Variants in PTPRD observed in about 807,000 individuals in gnomAD.
The protein encoded by PTPRD is protein tyrosine phosphatase receptor type D.
A neutral mutation model predicts 214.5 loss-of-function variants in PTPRD; 34 were observed. The ratio of observed to expected loss-of-function variants is 0.16; its 90% CI spans 0.12 to 0.21. The LOEUF is 0.21. Ranked by LOEUF, PTPRD falls within the 10% of genes least tolerant of loss-of-function variation. PTPRD has a pLI of 1.00. For missense variants in PTPRD, 2,545 were observed against 2,398.7 expected (o/e 1.06, Z -1.27); for synonymous variants, 1,128 against 845.7 (o/e 1.33, Z -5.79).
At chr9:8,391,381 A>G (rs2089491765) in intron 36 of PTPRD, among the ~76,000 whole-genome samples, 1 of 152,188 alleles carries the variant, frequency 6.6e-6, no homozygotes, top group African/African-American at 2.4e-5. Context: ...GGTTGGCTGT[A>G]ACATTATTCA....
At chr9:9,706,614 A>G (rs2097616428) in intron 7 of PTPRD, among the ~76,000 whole-genome samples, 1 of 151,846 alleles carries the variant, frequency 6.6e-6, no homozygotes, top group Admixed American at 6.6e-5. Flanking sequence ...TATTTTTTGT[A>G]TTTTTAGTAG....
At chr9:9,338,693 A>T (rs988562093) in intron 9 of PTPRD, among the ~76,000 whole-genome samples, 2 of 152,034 alleles carry the variant, frequency 1.3e-5, no homozygotes, top group Non-Finnish European at 2.9e-5. Flanking sequence ...CCTTTTTTCC[A>T]ATTTCTTTTC....
At chr9:9,770,750 G>A (rs866168081) in intron 5 of PTPRD, among the ~76,000 whole-genome samples, 5 of 151,974 alleles carry the variant, frequency 3.3e-5, no homozygotes, top group Non-Finnish European at 7.4e-5. Context: ...TTGAAAATCT[G>A]GAGAAAAAAA....
chr9:10,434,262 T>C lies in PTPRD; in HGVS notation c.-599-93245A>G, dbSNP rs188956103. On this transcript the variant is annotated intron_variant, in intron 2 of 45. Transcript: ENST00000381196. ...ATATAAAGGTACCAAATAAGACCTA[T>C]GCCTTATTTCATAATGAAAAGGTAC... Among the ~76,000 whole-genome samples, 41 of 151,976 alleles carry C rather than the reference T, an allele frequency of 2.7e-4. No homozygotes were observed. In the East Asian group the frequency reaches 7.8e-3, roughly 29 times the overall value.
At chr9:9,497,063 C>G (rs893442379) in intron 8 of PTPRD, among the ~76,000 whole-genome samples, 2 of 152,030 alleles carry the variant, frequency 1.3e-5, no homozygotes, top group Non-Finnish European at 2.9e-5. Flanking sequence ...TGAGACAAAG[C>G]ATGCTTATTG....
chr9:8,542,938 G>A (rs1374010501), intron 14 of PTPRD, among the ~76,000 whole-genome samples: 1 of 152,172 alleles, frequency 6.6e-6, no homozygotes, highest in African/African-American at 2.4e-5. Flanking sequence ...AGACAGTTGA[G>A]CATGCAAGGG....
intron 3 of PTPRD, among the ~76,000 whole-genome samples, chr9:10,276,074 G>A (rs1266031069): frequency 1.3e-5 from 2 of 152,168 alleles, no homozygotes; most frequent in Non-Finnish European, 2.9e-5. Context: ...GATTGCTGGA[G>A]ACACCTAATC....
rs1211548822 is a variant in PTPRD, at chr9:9,866,979, T to C, written c.-368+71528A>G. Among the ~76,000 whole-genome samples, 3 of 152,180 alleles carry C rather than the reference T, an allele frequency of 2.0e-5. No individual in the cohort carries two copies. In the East Asian group the frequency reaches 5.8e-4, roughly 29 times the overall value. Reference sequence around the variant, plus strand: ...TGTTCTTTCATATTTTGTTTGAGTATAGTCATGTTATTTCTTTTGGCTTTA... The same window carrying C: ...TGTTCTTTCATATTTTGTTTGAGTACAGTCATGTTATTTCTTTTGGCTTTA... On this transcript the variant is annotated intron_variant, in intron 5 of 45. Transcript: ENST00000381196.
At chr9:9,636,640 T>A (rs1276592137) in intron 7 of PTPRD, among the ~76,000 whole-genome samples, 7 of 152,184 alleles carry the variant, frequency 4.6e-5, no homozygotes, top group Non-Finnish European at 1.0e-4. Flanking sequence ...TGTTTGGGTA[T>A]AGTCTCTGAA....
In PTPRD at chr9:8,713,822, G is replaced by A. The variant is rs1199784369; in HGVS notation, c.64+19958C>T. The A allele has an allele frequency of 1.3e-5, 20 of 1,521,488 alleles. No individual in the cohort carries two copies. The East Asian group carries it at 4.5e-4, about 34-fold the overall frequency. The allele number at this position is 1,521,488 out of a possible 1,614,324, so 94.2% of individuals were successfully genotyped here. A position where few individuals can be genotyped will look rare whatever the true frequency, so the allele number is the denominator to read the frequency against. On this transcript the variant is annotated intron_variant, in intron 12 of 45. Transcript: ENST00000381196. ...CACAAGCCACGATTCACCACCAAGA[G>A]GCCCAACACCTTCTTCTAGGTGCAG...
At chr9:10,083,323 T>A (rs1453383464) in intron 3 of PTPRD, among the ~76,000 whole-genome samples, 1 of 152,020 alleles carries the variant, frequency 6.6e-6, no homozygotes, top group African/African-American at 2.4e-5. Context: ...CCTAGTCTTA[T>A]AAGTCTTAAG....
At chr9:10,604,575 C>T (rs984378040) in intron 2 of PTPRD, among the ~76,000 whole-genome samples, 1 of 151,802 alleles carries the variant, frequency 6.6e-6, no homozygotes, top group Non-Finnish European at 1.5e-5. Flanking sequence ...TTGTTGCTTG[C>T]AACCACACAG....
chr9:10,354,430 A>C (rs17703834), intron 2 of PTPRD, among the ~76,000 whole-genome samples: 1 of 152,028 alleles, frequency 6.6e-6, no homozygotes, highest in Non-Finnish European at 1.5e-5. Context: ...CCAAATTCCA[A>C]TCTTGTCCTC....
At chr9:8,822,881 G>A (rs2097099827) in intron 11 of PTPRD, among the ~76,000 whole-genome samples, 1 of 152,048 alleles carries the variant, frequency 6.6e-6, no homozygotes, top group Non-Finnish European at 1.5e-5. Context: ...AGGTTAGAAA[G>A]CAGAAAGGAT....
chr9:8,400,395 T>A (rs1480820496), intron 36 of PTPRD, among the ~76,000 whole-genome samples: 1 of 152,208 alleles, frequency 6.6e-6, no homozygotes, highest in Non-Finnish European at 1.5e-5. Flanking sequence ...TGCAATCTTA[T>A]GACTCTGGTC....
chr9:9,855,043 G>A (rs763762726), intron 5 of PTPRD, among the ~76,000 whole-genome samples: 1 of 152,170 alleles, frequency 6.6e-6, no homozygotes, highest in Non-Finnish European at 1.5e-5. Context: ...ATATTTTCAA[G>A]CTTTCCCCAT....
At chr9:9,126,156 T>C (rs1435127234) in intron 10 of PTPRD, among the ~76,000 whole-genome samples, 1 of 152,204 alleles carries the variant, frequency 6.6e-6, no homozygotes, top group Non-Finnish European at 1.5e-5. Context: ...AAACTCTTTG[T>C]AGGATTTTAA....
intron 44 of PTPRD, among the ~76,000 whole-genome samples, chr9:8,330,374 A>ATAGACTATAGT (rs1168831194): frequency 1.3e-5 from 2 of 152,126 alleles, no homozygotes; most frequent in African/African-American, 4.8e-5. Context: ...TGCACACTAA[A>ATAGACTATAGT]TAGACTATAG....
intron 5 of PTPRD, among the ~76,000 whole-genome samples, chr9:9,911,919 T>C (rs1485846598): frequency 1.3e-5 from 2 of 152,098 alleles, no homozygotes; most frequent in Non-Finnish European, 2.9e-5. Flanking sequence ...AGATCATCTG[T>C]TTTTTCTTGT....
Sources: gnomAD v4.1 joint callset for allele counts (sites outside exome capture counted in the v4.1 genomes callset) on GRCh38, gnomAD v4.1.1 for gene constraint, MANE v1.5 for transcripts, NCBI Gene and HGNC (gene_info 2026-07-23, HGNC 2026-07-21) for gene names.